Variants in CTDSPL2 observed in about 807,000 individuals in gnomAD.
CTDSPL2 encodes CTD small phosphatase like 2.
A neutral mutation model predicts 60.0 loss-of-function variants in CTDSPL2; 5 were observed. The observed-to-expected ratio is 0.08, with a 90% confidence interval of 0.04 to 0.18. The LOEUF is 0.18. Ranked by LOEUF, CTDSPL2 falls within the 10% of genes least tolerant of loss-of-function variation. The pLI is 1.00. For missense variants in CTDSPL2, 370 were observed against 548.8 expected (o/e 0.67, Z 3.26); for synonymous variants, 186 against 189.3 (o/e 0.98, Z 0.14).
At chr15:44,486,435 A>G in intron 3 of CTDSPL2, 116 bp from the exon 4 acceptor site, 1 of 677,208 alleles carries the variant, frequency 1.5e-6, no homozygotes. Context: ...AACATTAATT[A>G]GCTTTCGTGA....
intron 2 of CTDSPL2, among the ~76,000 whole-genome samples, chr15:44,480,062 T>C (rs1389318011): frequency 6.6e-6 from 1 of 152,180 alleles, no homozygotes; most frequent in Non-Finnish European, 1.5e-5. Flanking sequence ...CCTACTCACA[T>C]TTGATTCCAC....
chr15:44,524,302 T>C lies in CTDSPL2; in HGVS notation c.*128T>C. The C allele has an allele frequency of 1.4e-6, 1 of 699,234 alleles. No homozygotes were observed. Among genetic ancestry groups the C allele is most frequent in the Non-Finnish European group, 2.5e-6 (1 of 394,520 alleles). The allele number at this position is 699,234 out of a possible 1,614,324, so 43.3% of individuals were successfully genotyped here. ...CCCGTCTTGCTTTTCTTATCTTTGG[T>C]GCCCAATAATAATTAAGGGTTACAG... On this transcript the variant is annotated 3_prime_UTR_variant, in exon 13 of 13. Transcript: ENST00000260327.
chr15:44,514,278 G>A (rs2140864483), intron 8 of CTDSPL2, among the ~76,000 whole-genome samples: 1 of 152,302 alleles, frequency 6.6e-6, no homozygotes, highest in East Asian at 1.9e-4. Flanking sequence ...GAGCTTACTG[G>A]TGGATCAAAA....
chr15:44,515,930 T>G (rs143196242), intron 10 of CTDSPL2, among the ~76,000 whole-genome samples: 1 of 151,328 alleles, frequency 6.6e-6, no homozygotes, highest in South Asian at 2.1e-4. Flanking sequence ...TCTTTCTCTC[T>G]CTCTTTCTTT....
intron 1 of CTDSPL2, 56 bp from the exon 2 acceptor site, chr15:44,458,935 A>T: frequency 8.5e-7 from 1 of 1,178,342 alleles, no homozygotes. Flanking sequence ...TGGGTAGAGA[A>T]GGTTGAATTT....
At chr15:44,500,492 G>A (rs1220546788) in intron 8 of CTDSPL2, among the ~76,000 whole-genome samples, 1 of 152,144 alleles carries the variant, frequency 6.6e-6, no homozygotes, top group African/African-American at 2.4e-5. Flanking sequence ...AAATTGCAAA[G>A]TACGTTTCTG....
intron 1 of CTDSPL2, chr15:44,448,641 T>C: frequency 3.1e-6 from 1 of 317,990 alleles, no homozygotes; most frequent in Non-Finnish European, 6.2e-6. Context: ...CCCTCCTCCA[T>C]TTCTCCCATT....
At chr15:44,447,992 C>T (rs1031429393) in intron 1 of CTDSPL2, 5 of 206,550 alleles carry the variant, frequency 2.4e-5, no homozygotes, top group Admixed American at 5.1e-5. Flanking sequence ...CCATCCTCTC[C>T]AGACTGTTGG....
At chr15:44,491,132 T>C (rs1595753313) in intron 5 of CTDSPL2, 133 bp downstream of exon 5, 2 of 695,530 alleles carry the variant, frequency 2.9e-6, no homozygotes, top group Non-Finnish European at 4.7e-6. Context: ...AAGTTAAAAT[T>C]GGAAACAAAG....
intron 8 of CTDSPL2, among the ~76,000 whole-genome samples, chr15:44,511,973 G>C (rs1217337612): frequency 6.6e-6 from 1 of 151,460 alleles, no homozygotes; most frequent in Non-Finnish European, 1.5e-5. Context: ...TATTGCTTGA[G>C]CGTAAGAGTT....
At chr15:44,463,543 A>T (rs759617128) in intron 2 of CTDSPL2, among the ~76,000 whole-genome samples, 1 of 152,240 alleles carries the variant, frequency 6.6e-6, no homozygotes, top group Admixed American at 6.5e-5. Context: ...ATCATATTCT[A>T]TAAGATTATT....
intron 1 of CTDSPL2, among the ~76,000 whole-genome samples, chr15:44,444,985 C>G (rs982243662): frequency 6.7e-6 from 1 of 150,344 alleles, no homozygotes; most frequent in Non-Finnish European, 1.5e-5. Context: ...GTAGCTGGGA[C>G]TACAGGCGCA....
chr15:44,442,260 G>A (rs1231935885), intron 1 of CTDSPL2, among the ~76,000 whole-genome samples: 1 of 152,108 alleles, frequency 6.6e-6, no homozygotes, highest in Non-Finnish European at 1.5e-5. Flanking sequence ...AGACCAGCAT[G>A]GCCAACATGG....
intron 1 of CTDSPL2, among the ~76,000 whole-genome samples, chr15:44,451,970 T>C (rs2080342781): frequency 6.6e-6 from 1 of 152,196 alleles, no homozygotes; most frequent in African/African-American, 2.4e-5. Flanking sequence ...ATTTTTAAAC[T>C]AGTAAATTCA....
intron 10 of CTDSPL2, among the ~76,000 whole-genome samples, chr15:44,518,396 G>T (rs372671447): frequency 6.6e-6 from 1 of 152,082 alleles, no homozygotes; most frequent in African/African-American, 2.4e-5. Context: ...AAATGATGTA[G>T]TATTTTTCTA....
intron 4 of CTDSPL2, among the ~76,000 whole-genome samples, chr15:44,489,395 G>C (rs2081179886): frequency 1.3e-5 from 2 of 152,154 alleles, no homozygotes; most frequent in African/African-American, 4.8e-5. Context: ...ACTAGATGAG[G>C]AGGGTTGAGA....
intron 1 of CTDSPL2, among the ~76,000 whole-genome samples, chr15:44,455,585 G>A (rs1453676671): frequency 6.6e-6 from 1 of 152,096 alleles, no homozygotes; most frequent in Non-Finnish European, 1.5e-5. Flanking sequence ...ATTATTTTGA[G>A]ATACATCCCA....
chr15:44,427,638 C>A lies in CTDSPL2; in HGVS notation c.-159C>A. On this transcript the variant is annotated 5_prime_UTR_variant, in exon 1 of 13. Transcript: ENST00000260327. Reference sequence around the variant, plus strand: ...TCCCTGTCCGTGCGGTGCAGCAGGTCGGTAGGCGGGAAATGGCGACTGGCT... The same window carrying A: ...TCCCTGTCCGTGCGGTGCAGCAGGTAGGTAGGCGGGAAATGGCGACTGGCT... 2.5e-6 allele frequency: 1 copy of A among 399,156 alleles called. No individual in the cohort carries two copies. 24.7% of individuals were successfully genotyped at this position (399,156 alleles called of 1,614,324 possible).
chr15:44,495,600 T>C (rs576844842), intron 5 of CTDSPL2, among the ~76,000 whole-genome samples: 1 of 151,444 alleles, frequency 6.6e-6, no homozygotes, highest in South Asian at 2.1e-4. Context: ...AACATACAGT[T>C]TTTTAAAATA....
Sources: allele counts gnomAD v4.1 joint callset (sites outside exome capture counted in the v4.1 genomes callset), GRCh38; gene constraint gnomAD v4.1.1; transcripts MANE v1.5; gene names NCBI Gene and HGNC (gene_info 2026-07-23, HGNC 2026-07-21).